SHISA9: variants seen among roughly 807,000 people sequenced by gnomAD.
SHISA9 encodes the protein shisa family member 9.
Under a neutral mutation model 38.0 loss-of-function variants are expected in SHISA9, and 13 were observed. The ratio of observed to expected loss-of-function variants is 0.34; its 90% CI spans 0.22 to 0.54. SHISA9 has a LOEUF of 0.54. Among genes scored for constraint, SHISA9 ranks in the 20% least tolerant of loss-of-function variants. SHISA9 has a pLI of 0.91. For synonymous variants in SHISA9, 275 were observed against 242.0 expected (o/e 1.14, Z -1.27); for missense variants, 538 against 575.8 (o/e 0.93, Z 0.67).
At chr16:13,337,212 C>G in the SHISA9 span, among the ~76,000 whole-genome samples, 1 of 152,084 alleles carries the variant, frequency 6.6e-6, no homozygotes, top group Non-Finnish European at 1.5e-5. Context: ...ATTGTAGCTC[C>G]CATAATTCCC....
chr16:13,046,353 G>C (rs570583608), intron 2 of SHISA9, among the ~76,000 whole-genome samples: 35 of 152,310 alleles, frequency 2.3e-4, no homozygotes, highest in African/African-American at 8.2e-4. Flanking sequence ...ATGGGTTTCA[G>C]GCACTCGGAA....
chr16:13,167,713 T>A (rs1374238940), intron 2 of SHISA9, among the ~76,000 whole-genome samples: 1 of 152,154 alleles, frequency 6.6e-6, no homozygotes, highest in Non-Finnish European at 1.5e-5. Context: ...AGGTAAAACA[T>A]GCCTGCTTTC....
At chr16:13,266,869 C>A in the SHISA9 span, among the ~76,000 whole-genome samples, 1 of 152,214 alleles carries the variant, frequency 6.6e-6, no homozygotes, top group Admixed American at 6.5e-5. Context: ...TTATTTAGTA[C>A]CCACTGCTGG....
the SHISA9 span, among the ~76,000 whole-genome samples, chr16:13,510,587 G>A: frequency 1.4e-4 from 21 of 152,184 alleles, no homozygotes; most frequent in African/African-American, 5.1e-4. Context: ...GCTGAAAGCA[G>A]TGACTCACTT....
intron 2 of SHISA9, among the ~76,000 whole-genome samples, chr16:12,960,964 T>TGG (rs1309337496): frequency 6.6e-6 from 1 of 150,960 alleles, no homozygotes; most frequent in Non-Finnish European, 1.5e-5. Context: ...TTGGGAGTGG[T>TGG]GGGGGGCAGA....
rs371460824 is a variant in SHISA9, at chr16:13,198,288, A to T, written c.692-5106A>T. Among the ~76,000 whole-genome samples the T allele has an allele frequency of 2.7e-3, 273 of 102,124 alleles. 34 individuals carry two copies. The highest frequency in any genetic ancestry group is 9.4e-3 in the African/African-American group (266 of 28,170). The allele number at this position is 102,124 out of a possible 152,430, so 67.0% of individuals were successfully genotyped here. A position where few individuals can be genotyped will look rare whatever the true frequency, so the allele number is the denominator to read the frequency against. ...TATGCATACATATATACTTGTGTGT[A>T]TATGCATACATATATACTTGTGTGT... On this transcript the variant is annotated intron_variant, in intron 2 of 4. Coordinates refer to ENST00000558583, the MANE Select transcript of SHISA9 (RefSeq NM_001145204.3).
the SHISA9 span, among the ~76,000 whole-genome samples, chr16:13,248,055 A>G: frequency 6.6e-6 from 1 of 152,216 alleles, no homozygotes; most frequent in Non-Finnish European, 1.5e-5. Flanking sequence ...CTGGAATTCT[A>G]CAAGTTAGGT....
chr16:13,077,938 A>G (rs992761198), intron 2 of SHISA9, among the ~76,000 whole-genome samples: 1 of 152,066 alleles, frequency 6.6e-6, no homozygotes, highest in African/African-American at 2.4e-5. Context: ...TATAATGATG[A>G]AAAAAATATG....
the SHISA9 span, among the ~76,000 whole-genome samples, chr16:13,393,332 T>A: frequency 6.6e-6 from 1 of 152,226 alleles, no homozygotes; most frequent in Non-Finnish European, 1.5e-5. Flanking sequence ...GCATTTTCAC[T>A]TTGCACTGGG....
At chr16:13,410,360 G>A in the SHISA9 span, among the ~76,000 whole-genome samples, 79 of 152,172 alleles carry the variant, frequency 5.2e-4, no homozygotes, top group Middle Eastern at 0.014. Flanking sequence ...CCCTAAAATC[G>A]GCGTGTTATA....
At chr16:13,033,172 C>T (rs551018478) in intron 2 of SHISA9, among the ~76,000 whole-genome samples, 5 of 152,246 alleles carry the variant, frequency 3.3e-5, no homozygotes, top group Non-Finnish European at 5.9e-5. Flanking sequence ...GCATTATGTT[C>T]TTATTTCTGA....
chr16:13,420,244 T>TAAAAAAAAAAA, the SHISA9 span, among the ~76,000 whole-genome samples: 2 of 2,938 alleles, frequency 6.8e-4, no homozygotes, highest in Non-Finnish European at 1.1e-3. Context: ...AGAATCTGTT[T>TAAAAAAAAAAA]CAAAAAAAAA....
the SHISA9 span, among the ~76,000 whole-genome samples, chr16:13,248,695 C>G: frequency 6.6e-6 from 1 of 152,200 alleles, no homozygotes; most frequent in Non-Finnish European, 1.5e-5. Context: ...TACTTATCGA[C>G]TCCCACCCAT....
the SHISA9 span, among the ~76,000 whole-genome samples, chr16:13,558,417 C>G: frequency 1.3e-5 from 2 of 152,134 alleles, no homozygotes; most frequent in East Asian, 3.9e-4. Flanking sequence ...ACCACCAACT[C>G]CCAATTAGCC....
chr16:12,993,044 T>G (rs2072408721), intron 2 of SHISA9, among the ~76,000 whole-genome samples: 1 of 152,236 alleles, frequency 6.6e-6, no homozygotes, highest in African/African-American at 2.4e-5. Flanking sequence ...CATTTCCATC[T>G]TGGATTTTAA....
chr16:13,019,992 C>A (rs1456744022), intron 2 of SHISA9, among the ~76,000 whole-genome samples: 1 of 126,718 alleles, frequency 7.9e-6, no homozygotes, highest in East Asian at 2.2e-4. Context: ...TCCTTCCTTC[C>A]TTCCTTCCTT....
intron 2 of SHISA9, among the ~76,000 whole-genome samples, chr16:13,150,044 A>C (rs867894881): frequency 5.4e-5 from 8 of 149,426 alleles, no homozygotes; most frequent in Non-Finnish European, 8.9e-5. Flanking sequence ...AAAAAAAAAA[A>C]AAAAAAAAAA....
At chr16:13,220,065 G>T (rs185739177) in intron 4 of SHISA9, among the ~76,000 whole-genome samples, 28 of 152,304 alleles carry the variant, frequency 1.8e-4, no homozygotes, top group African/African-American at 6.5e-4. Context: ...GTCAGCTACT[G>T]CCACAATAAC....
the SHISA9 span, among the ~76,000 whole-genome samples, chr16:13,263,571 A>T: frequency 1.3e-5 from 2 of 152,328 alleles, no homozygotes; most frequent in East Asian, 3.9e-4. Flanking sequence ...TGAACAGATG[A>T]CCAACACTAT....
Sources: allele counts gnomAD v4.1 joint callset (sites outside exome capture counted in the v4.1 genomes callset), GRCh38; gene constraint gnomAD v4.1.1; transcripts MANE v1.5; gene names NCBI Gene and HGNC (gene_info 2026-07-23, HGNC 2026-07-21).